The following CD48 variants were observed in gnomAD, a reference collection of about 807,000 sequenced individuals.
CD48 encodes CD48 antigen.
In CD48, 20 loss-of-function variants were observed where a neutral mutation model predicts 22.0. The ratio of observed to expected loss-of-function variants is 0.91; its 90% CI spans 0.64 to 1.32. The LOEUF is 1.32. CD48 is among the 40% of genes most tolerant of loss of function. CD48 has a pLI of 0.00. For synonymous variants in CD48, 110 were observed against 110.1 expected (o/e 1.00, Z 0.01); for missense variants, 307 against 286.5 (o/e 1.07, Z -0.52).
At chr1:160,705,710 T>C (rs1020990464) in intron 1 of CD48, among the ~76,000 whole-genome samples, 2 of 152,222 alleles carry the variant, frequency 1.3e-5, no homozygotes, top group Non-Finnish European at 2.9e-5. Context: ...CATGAATTAA[T>C]AGAAGCGGTC....
chr1:160,702,823 G>T (rs183383060), intron 1 of CD48, among the ~76,000 whole-genome samples: 5 of 152,098 alleles, frequency 3.3e-5, no homozygotes, highest in Non-Finnish European at 7.4e-5. Context: ...TAAATTTTGC[G>T]TTGGACAGAA....
At chr1:160,687,879 G>A (rs1662059733) in intron 1 of CD48, among the ~76,000 whole-genome samples, 1 of 152,180 alleles carries the variant, frequency 6.6e-6, no homozygotes, top group African/African-American at 2.4e-5. Context: ...GAGCTTGAGA[G>A]GCTTCAAAAA....
chr1:160,683,283 G>T (rs1558030856), intron 2 of CD48, among the ~76,000 whole-genome samples: 1 of 152,146 alleles, frequency 6.6e-6, no homozygotes, highest in Non-Finnish European at 1.5e-5. Flanking sequence ...CAAGATGCTC[G>T]CTTTGAGCTG....
chr1:160,681,089 A>T, intron 3 of CD48, 113 bp downstream of exon 3: 1 of 1,568,004 alleles, frequency 6.4e-7, no homozygotes, highest in Non-Finnish European at 8.7e-7. Context: ...CAGACACCTT[A>T]GGGATTCACC....
At chr1:160,690,326 A>T (rs1662164284) in intron 1 of CD48, among the ~76,000 whole-genome samples, 1 of 152,234 alleles carries the variant, frequency 6.6e-6, no homozygotes, top group South Asian at 2.1e-4. Flanking sequence ...CTACTGAGAC[A>T]TGCACATATG....
intron 1 of CD48, among the ~76,000 whole-genome samples, chr1:160,708,851 G>A (rs985042464): frequency 2.0e-5 from 3 of 152,202 alleles, no homozygotes; most frequent in Non-Finnish European, 4.4e-5. Context: ...TACACCGGAA[G>A]TGTGACCTGC....
intron 1 of CD48, among the ~76,000 whole-genome samples, chr1:160,702,524 A>G (rs1244314172): frequency 6.6e-6 from 1 of 152,116 alleles, no homozygotes; most frequent in Non-Finnish European, 1.5e-5. Context: ...TTATACCTAG[A>G]GCGGCAAACA....
intron 1 of CD48, among the ~76,000 whole-genome samples, chr1:160,706,653 A>G (rs59507225): frequency 0.035 from 5,315 of 152,302 alleles, 129 homozygotes; most frequent in African/African-American, 0.07. Flanking sequence ...TGTCTGGATG[A>G]TTGGGATAAA....
intron 3 of CD48, among the ~76,000 whole-genome samples, chr1:160,680,025 A>G (rs1661736313): frequency 6.6e-6 from 1 of 152,188 alleles, no homozygotes; most frequent in Admixed American, 6.5e-5. Flanking sequence ...GGAAGAGCAT[A>G]CACAGTCTCC....
chr1:160,694,098 A>G (rs1054000711), intron 1 of CD48, among the ~76,000 whole-genome samples: 1 of 152,262 alleles, frequency 6.6e-6, no homozygotes, highest in Non-Finnish European at 1.5e-5. Context: ...GTTCAAATTC[A>G]TACTGGTGTG....
intron 1 of CD48, among the ~76,000 whole-genome samples, chr1:160,706,862 A>G (rs1662810925): frequency 1.3e-5 from 2 of 152,220 alleles, no homozygotes; most frequent in African/African-American, 4.8e-5. Flanking sequence ...CAGGAAAGGG[A>G]AAGGTTTTAA....
At chr1:160,689,981 A>T (rs1662145431) in intron 1 of CD48, among the ~76,000 whole-genome samples, 2 of 152,228 alleles carry the variant, frequency 1.3e-5, no homozygotes, top group Non-Finnish European at 2.9e-5. Flanking sequence ...CATTTAAAAA[A>T]TTTAAAGTAA....
chr1:160,699,704 A>G (rs1662562321), intron 1 of CD48: 1 of 152,182 alleles, frequency 6.6e-6, no homozygotes, highest in South Asian at 2.1e-4. Flanking sequence ...ATGCATATCT[A>G]AAAGCACAGC....
chr1:160,679,192 A>T, intron 3 of CD48, 61 bp from the exon 4 acceptor site: 2 of 1,346,736 alleles, frequency 1.5e-6, no homozygotes, highest in Non-Finnish European at 2.1e-6. Context: ...TGTATTGAGA[A>T]GGGGCAAGTG....
intron 1 of CD48, among the ~76,000 whole-genome samples, chr1:160,697,771 C>G (rs1571065558): frequency 6.6e-6 from 1 of 151,204 alleles, no homozygotes; most frequent in Admixed American, 6.6e-5. Flanking sequence ...ACAATGAATT[C>G]GAAACTATTA....
intron 2 of CD48, among the ~76,000 whole-genome samples, 186 bp from the exon 3 acceptor site, chr1:160,681,654 T>C (rs767660541): frequency 1.3e-5 from 2 of 152,188 alleles, no homozygotes; most frequent in Non-Finnish European, 1.5e-5. Context: ...ACAGACTCAC[T>C]GCAAGAGCGG....
intron 1 of CD48, among the ~76,000 whole-genome samples, chr1:160,708,930 C>T (rs533561639): frequency 1.3e-5 from 2 of 152,288 alleles, no homozygotes; most frequent in African/African-American, 2.4e-5. Flanking sequence ...TGGGAGGCTT[C>T]TGCTGAGTGG....
intron 1 of CD48, among the ~76,000 whole-genome samples, chr1:160,705,400 C>T (rs986762626): frequency 6.6e-6 from 1 of 152,150 alleles, no homozygotes; most frequent in Non-Finnish European, 1.5e-5. Flanking sequence ...CTTGGCCAGA[C>T]CTCAAAATGC....
chr1:160,695,288 GTTATA>G (rs1662375058), intron 1 of CD48, among the ~76,000 whole-genome samples: 1 of 152,298 alleles, frequency 6.6e-6, no homozygotes, highest in African/African-American at 2.4e-5. Context: ...TTTTCAGACT[GTTATA>G]TTATTCATTA....
Sources: gnomAD v4.1 joint callset for allele counts (sites outside exome capture counted in the v4.1 genomes callset) on GRCh38, gnomAD v4.1.1 for gene constraint, MANE v1.5 for transcripts, NCBI Gene and HGNC (gene_info 2026-07-23, HGNC 2026-07-21) for gene names.